The following RELN variants were observed in gnomAD, a reference collection of about 807,000 sequenced individuals.
The protein encoded by RELN is reelin.
A neutral mutation model predicts 427.6 loss-of-function variants in RELN; 108 were observed. That is an observed-to-expected ratio of 0.25 (90% CI 0.22 to 0.30). RELN has a LOEUF of 0.30. RELN is among the 10% of genes least tolerant of loss of function. The pLI is 1.00. For synonymous variants in RELN, 1,524 were observed against 1,513.4 expected (o/e 1.01, Z -0.16); for missense variants, 3,715 against 4,302.8 (o/e 0.86, Z 3.82).
intron 54 of RELN, 69 bp downstream of exon 54, chr7:103,498,008 C>A: frequency 6.3e-7 from 1 of 1,599,542 alleles, no homozygotes; most frequent in Non-Finnish European, 8.6e-7. Context: ...TTCTTCCATA[C>A]AAGTGTTCCT....
chr7:103,676,274 C>T (rs1244096981), intron 11 of RELN, among the ~76,000 whole-genome samples: 3 of 152,118 alleles, frequency 2.0e-5, no homozygotes, highest in Non-Finnish European at 4.4e-5. Flanking sequence ...ATGCAGCCAA[C>T]AGACACATGA....
rs548369088 is a variant in RELN at position 103,603,544 on chromosome 7, T to C, written c.3147-54A>G. 3 of 1,337,858 alleles carry C rather than the reference T, an allele frequency of 2.2e-6. No homozygotes were observed. The highest frequency in any genetic ancestry group is 3.4e-5 in the Admixed American group (2 of 59,568). 82.9% of individuals were successfully genotyped at this position (1,337,858 alleles called of 1,614,324 possible). On this transcript the variant is annotated intron_variant, in intron 23 of 64. Coordinates refer to ENST00000428762, the MANE Select transcript of RELN (RefSeq NM_005045.4). The surrounding 1 kb of genome is among the most constrained non-coding windows in gnomAD (Gnocchi z 4.3). ...GTTACAGGCCCACCTGCCAATGCAA[T>C]GGCCCTCTGACCTCAACCATTTCCC...
At chr7:103,478,727 A>G (rs921768747) in intron 63 of RELN, among the ~76,000 whole-genome samples, 7 of 152,140 alleles carry the variant, frequency 4.6e-5, no homozygotes, top group Admixed American at 1.3e-4. Context: ...TTATTATCTG[A>G]TTTTTCAATT....
chr7:103,713,079 T>C (rs7794541), intron 8 of RELN, among the ~76,000 whole-genome samples: 17,894 of 151,906 alleles, frequency 0.12, 1,151 homozygotes, highest in Middle Eastern at 0.28. Flanking sequence ...AAGGAGAGAA[T>C]TGATCTCACA....
At chr7:103,534,227 A>G (rs1351120729) in intron 46 of RELN, among the ~76,000 whole-genome samples, 1 of 152,244 alleles carries the variant, frequency 6.6e-6, no homozygotes, top group Non-Finnish European at 1.5e-5. Flanking sequence ...CCTGTTCCAC[A>G]CACTGGATTG....
chr7:103,757,409 A>C (rs1791186879), intron 4 of RELN, among the ~76,000 whole-genome samples: 1 of 151,926 alleles, frequency 6.6e-6, no homozygotes, highest in African/African-American at 2.4e-5. Flanking sequence ...TCTGTTACTG[A>C]TTTTCTGTCT....
intron 3 of RELN, among the ~76,000 whole-genome samples, chr7:103,782,746 G>A (rs572100498): frequency 2.6e-5 from 4 of 152,170 alleles, no homozygotes; most frequent in Non-Finnish European, 4.4e-5. Context: ...TTGCTATAAT[G>A]CCTAAATTCC....
At chr7:103,976,838 T>A (rs1723249014) in intron 1 of RELN, among the ~76,000 whole-genome samples, 1 of 152,054 alleles carries the variant, frequency 6.6e-6, no homozygotes, top group Non-Finnish European at 1.5e-5. Flanking sequence ...ATTGATTGAG[T>A]CCAGGAGTTC....
At chr7:103,731,194 G>A (rs576554009) in intron 6 of RELN, among the ~76,000 whole-genome samples, 2 of 152,220 alleles carry the variant, frequency 1.3e-5, no homozygotes, top group South Asian at 4.1e-4. Context: ...AGCCTTCAAA[G>A]GAGATGGTCC....
intron 2 of RELN, among the ~76,000 whole-genome samples, chr7:103,875,278 C>T (rs1007327273): frequency 4.7e-5 from 7 of 150,202 alleles, no homozygotes; most frequent in South Asian, 2.2e-4. Context: ...TAGGCATTAC[C>T]ATTCAGGACA....
At chr7:103,955,155 A>C (rs1050424774) in intron 1 of RELN, among the ~76,000 whole-genome samples, 10 of 152,204 alleles carry the variant, frequency 6.6e-5, no homozygotes, top group African/African-American at 2.2e-4. Context: ...AACGAAAATC[A>C]TAAGTTAAGA....
intron 3 of RELN, among the ~76,000 whole-genome samples, chr7:103,830,996 A>T (rs931610554): frequency 6.6e-6 from 1 of 152,118 alleles, no homozygotes; most frequent in East Asian, 1.9e-4. Context: ...CTGCTAAGAA[A>T]ACACTGTTTG....
intron 10 of RELN, among the ~76,000 whole-genome samples, chr7:103,687,202 G>A (rs1391492417): frequency 6.6e-6 from 1 of 152,168 alleles, no homozygotes; most frequent in Non-Finnish European, 1.5e-5. Flanking sequence ...GGAGTAATGA[G>A]AGGCAGAATA....
Position 103,546,551 on chromosome 7 carries a change from CTT to C in RELN, c.6303-1209_6303-1208del, listed in dbSNP as rs1830301245. Among the ~76,000 whole-genome samples, 2 of 152,108 alleles carry C rather than the reference CTT, an allele frequency of 1.3e-5. 1 individual carries two copies. Among genetic ancestry groups the C allele is most frequent in the African/African-American group, 4.8e-5 (2 of 41,418 alleles). On this transcript the variant is annotated intron_variant, in intron 41 of 64. Transcript: ENST00000428762. The stretch of plus-strand genomic sequence containing the variant: ...GATGGACCTTATGGTAAATGACAAT[CTT>C]TTAAATTTTTCTATCTTACTTTCTC...
chr7:103,945,394 C>CT (rs1796199946), intron 1 of RELN, among the ~76,000 whole-genome samples: 1 of 152,180 alleles, frequency 6.6e-6, no homozygotes, highest in Non-Finnish European at 1.5e-5. Context: ...TGATCCTAAT[C>CT]TGTTAAGAAA....
intron 1 of RELN, among the ~76,000 whole-genome samples, chr7:103,918,824 T>C (rs1795546965): frequency 6.6e-6 from 1 of 152,092 alleles, no homozygotes; most frequent in African/African-American, 2.4e-5. Context: ...ATATGTAAAA[T>C]GCTTTCCAGA....
intron 2 of RELN, among the ~76,000 whole-genome samples, chr7:103,839,303 C>CTTTT (rs34244913): frequency 0.3 from 36,762 of 120,564 alleles, 5,837 homozygotes; most frequent in Non-Finnish European, 0.38. Flanking sequence ...GTGGTCTTTG[C>CTTTT]TTTTTTTTTT....
intron 11 of RELN, among the ~76,000 whole-genome samples, chr7:103,663,137 C>G (rs796080405): frequency 6.6e-6 from 1 of 152,122 alleles, no homozygotes; most frequent in Non-Finnish European, 1.5e-5. Flanking sequence ...CAGTCTTTCC[C>G]AAACTTCCTG....
At chr7:103,774,000 GAAT>G (rs775155107) in intron 4 of RELN, among the ~76,000 whole-genome samples, 18 of 152,164 alleles carry the variant, frequency 1.2e-4, no homozygotes, top group Admixed American at 3.9e-4. Flanking sequence ...AAGTTTTGCA[GAAT>G]AATGACTTTC....
Sources: allele counts gnomAD v4.1 joint callset (sites outside exome capture counted in the v4.1 genomes callset), GRCh38; gene constraint gnomAD v4.1.1; non-coding constraint Gnocchi (gnomAD v3.1); transcripts MANE v1.5; gene names NCBI Gene and HGNC (gene_info 2026-07-23, HGNC 2026-07-21).